The following CUX1 variants were observed in gnomAD, a reference collection of about 807,000 sequenced individuals.
CUX1 encodes cut like homeobox 1.
A neutral mutation model predicts 158.8 loss-of-function variants in CUX1; 31 were observed. That is an observed-to-expected ratio of 0.20 (90% CI 0.15 to 0.26). CUX1 has a LOEUF of 0.26. CUX1 is among the 10% of genes least tolerant of loss of function. The pLI, the probability that CUX1 is intolerant of heterozygous loss-of-function variation, is 1.00. For missense variants in CUX1, 1,589 were observed against 2,014.6 expected (o/e 0.79, Z 4.04); for synonymous variants, 879 against 862.1 (o/e 1.02, Z -0.34).
intron 2 of CUX1, among the ~76,000 whole-genome samples, chr7:101,974,861 A>G (rs1220064475): frequency 6.6e-6 from 1 of 152,110 alleles, no homozygotes; most frequent in Non-Finnish European, 1.5e-5. Flanking sequence ...TTTGGGAAGG[A>G]GGCTGTCATG....
At chr7:102,153,550 T>C (rs1258955519) in intron 8 of CUX1, 1 of 152,180 alleles carries the variant, frequency 6.6e-6, no homozygotes, top group Non-Finnish European at 1.5e-5. Flanking sequence ...GTTTTCCTGG[T>C]TGCCAAGCAG....
intron 2 of CUX1, among the ~76,000 whole-genome samples, chr7:101,947,624 T>A (rs1808557012): frequency 6.6e-6 from 1 of 152,022 alleles, no homozygotes. Flanking sequence ...TCTCTAAAAT[T>A]AAAGAAAAGA....
At chr7:102,198,435 G>T (rs917428679) in intron 15 of CUX1, among the ~76,000 whole-genome samples, 2 of 152,212 alleles carry the variant, frequency 1.3e-5, no homozygotes, top group Non-Finnish European at 2.9e-5. Flanking sequence ...CCAAGAAAAT[G>T]CAGTGTTTTA....
In CUX1 at chr7:101,870,154, T is replaced by G. The variant is rs1447427990; in HGVS notation, c.31-45961T>G. Among the ~76,000 whole-genome samples the G allele has an allele frequency of 2.5e-3, 182 of 71,878 alleles. No homozygotes were observed. In the Middle Eastern group the frequency reaches 0.038, roughly 15 times the overall value. The allele number at this position is 71,878 out of a possible 152,430, so 47.2% of individuals were successfully genotyped here. On this transcript the variant is annotated intron_variant, in intron 1 of 23. Coordinates refer to ENST00000292535, the MANE Select transcript of CUX1 (RefSeq NM_181552.4). ...GCCCTGATGTTTAGTGTTTTTTTTGTTTTTTTTTTTTTTTTTAAAGACAGC... is the reference window on the plus strand; with the variant it reads ...GCCCTGATGTTTAGTGTTTTTTTTGGTTTTTTTTTTTTTTTTAAAGACAGC...
intron 8 of CUX1, among the ~76,000 whole-genome samples, chr7:102,127,832 TTTTGTTTG>T (rs141324142): frequency 7.3e-5 from 11 of 151,154 alleles, no homozygotes; most frequent in Non-Finnish European, 7.4e-5. Context: ...TTTTCGTGTT[TTTTGTTTG>T]TTTGTTTGTT....
chr7:102,201,396 G>T lies in CUX1; in HGVS notation c.2099G>T (p.Gly700Val), dbSNP rs1554519649. 4 of 1,613,926 alleles carry T rather than the reference G, an allele frequency of 2.5e-6. No homozygotes were observed. In the Admixed American group the frequency reaches 6.7e-5, roughly 27 times the overall value. Residue 700 changes from glycine to valine, a missense_variant, in exon 18 of 24, where the codon GGG (glycine) becomes GTG (valine). Physicochemically the swap from Gly to Val is moderately radical, Grantham distance 109 (BLOSUM62 -3). Around this residue, in one of 8 missense-constraint regions of CUX1, gnomAD observed 337 missense variants for 409.3 expected, o/e 0.82. Coordinates refer to ENST00000292535, the MANE Select transcript of CUX1 (RefSeq NM_181552.4). This position sits in a 1 kb window ranked among gnomAD's most constrained non-coding sequence, Gnocchi z 5.0. ...PAQPSSASGSGNSDDAIRSIL... is the reference protein window; with the variant it reads ...PAQPSSASGSVNSDDAIRSIL... Reference sequence around the variant, plus strand: ...CAGCCTTCCTCCGCATCCGGCAGCGGGAACTCTGATGACGCCATCCGCTCC... The same window carrying T: ...CAGCCTTCCTCCGCATCCGGCAGCGTGAACTCTGATGACGCCATCCGCTCC...
At position 102,275,412 on chromosome 7, in the gene CUX1, G is replaced by C. The variant is rs1353779192; in HGVS notation, c.1563+53G>C. The C allele has an allele frequency of 6.4e-6, 9 of 1,415,160 alleles. No homozygotes were observed. In the East Asian group the frequency reaches 2.1e-4, roughly 33 times the overall value. The allele number at this position is 1,415,160 out of a possible 1,614,324, so 87.7% of individuals were successfully genotyped here. Reference sequence around the variant, plus strand: ...CTCCTTGGGCCCAAGGACACAGTTGGGGAACACACAGGCTTTCAGGAGAGA... The same window carrying C: ...CTCCTTGGGCCCAAGGACACAGTTGCGGAACACACAGGCTTTCAGGAGAGA... On this transcript the variant is annotated intron_variant, in intron 17 of 22. Coordinates refer to the CUX1 transcript ENST00000292538.
At chr7:102,273,361 C>T (rs1554546728) in intron 14 of CUX1, 2 of 1,611,222 alleles carry the variant, frequency 1.2e-6, no homozygotes. Context: ...TTCCTTTGGC[C>T]ACAGGACGCT....
At chr7:102,015,714 C>T (rs1818509850) in intron 2 of CUX1, among the ~76,000 whole-genome samples, 1 of 152,172 alleles carries the variant, frequency 6.6e-6, no homozygotes. Context: ...GTTCGTGGCT[C>T]CTTTCACTCA....
At chr7:102,072,414 A>G (rs1354279699) in intron 4 of CUX1, among the ~76,000 whole-genome samples, 1 of 152,252 alleles carries the variant, frequency 6.6e-6, no homozygotes, top group Non-Finnish European at 1.5e-5. Flanking sequence ...GTAACCAATC[A>G]GAGGCTAAAT....
chr7:102,207,436 C>T (rs1344182309), intron 20 of CUX1, among the ~76,000 whole-genome samples: 6 of 151,982 alleles, frequency 3.9e-5, no homozygotes, highest in African/African-American at 1.4e-4. Flanking sequence ...AAAAAGATTT[C>T]TTATTTGCAG....
At chr7:101,890,654 G>A (rs1047129639) in intron 1 of CUX1, among the ~76,000 whole-genome samples, 1 of 152,130 alleles carries the variant, frequency 6.6e-6, no homozygotes, top group East Asian at 1.9e-4. Flanking sequence ...AGAGGTTGGT[G>A]CGAAAATAGC....
At chr7:102,122,043 A>G (rs1380764275) in intron 8 of CUX1, among the ~76,000 whole-genome samples, 4 of 152,192 alleles carry the variant, frequency 2.6e-5, no homozygotes, top group African/African-American at 7.2e-5. Flanking sequence ...GGGGCCAGGT[A>G]GAGCCCGGTT....
intron 22 of CUX1, 54 bp downstream of exon 22, chr7:102,234,294 G>C (rs1417868296): frequency 3.5e-6 from 5 of 1,411,584 alleles, no homozygotes; most frequent in African/African-American, 2.9e-5. Flanking sequence ...TAGACAGGCT[G>C]TTTCTTTCAA....
chr7:102,197,365 T>C, intron 15 of CUX1, 60 bp downstream of exon 15: 1 of 1,511,106 alleles, frequency 6.6e-7, no homozygotes, highest in Non-Finnish European at 9.1e-7. Context: ...TGCACATGTG[T>C]GTGTGCATGC....
chr7:102,224,779 G>A lies in CUX1; in HGVS notation c.3131-2588G>A, dbSNP rs1020627474. ...TGAGTTTCGTGGTGGCTCTGCCTCC[G>A]CCAGCACCCAGAACAAAACAGGGAG... On this transcript the variant is annotated intron_variant, in intron 20 of 23. Transcript: ENST00000292535. Among the ~76,000 whole-genome samples, 5 of 152,298 alleles carry A rather than the reference G, an allele frequency of 3.3e-5. No homozygotes were observed. In the East Asian group the frequency reaches 5.8e-4, roughly 18 times the overall value.
Position 102,257,329 on chromosome 7 carries a change from A to G in CUX1, c.*8287A>G, listed in dbSNP as rs1554542380. The G allele has an allele frequency of 1.0e-6, 1 of 980,876 alleles. No individual in the cohort carries two copies. Among genetic ancestry groups the G allele is most frequent in the Non-Finnish European group, 1.2e-6 (1 of 828,952 alleles). The allele number at this position is 980,876 out of a possible 1,614,324, so 60.8% of individuals were successfully genotyped here. A position where few individuals can be genotyped will look rare whatever the true frequency, so the allele number is the denominator to read the frequency against. Reference sequence around the variant, plus strand: ...GCCTTTTTTTTTTTCATTTTTCTCTAATTAGTCTATGCATTTCTCTCTCTC... The same window carrying G: ...GCCTTTTTTTTTTTCATTTTTCTCTGATTAGTCTATGCATTTCTCTCTCTC... On this transcript the variant is annotated 3_prime_UTR_variant, in exon 24 of 24. Transcript: ENST00000292535.
chr7:102,042,996 C>T (rs1414125928), intron 3 of CUX1, among the ~76,000 whole-genome samples: 1 of 152,130 alleles, frequency 6.6e-6, no homozygotes, highest in Admixed American at 6.6e-5. Flanking sequence ...GGCTGCGTTG[C>T]CCAGGCTGGT....
chr7:101,973,193 C>T (rs1387399063), intron 2 of CUX1, among the ~76,000 whole-genome samples: 3 of 152,124 alleles, frequency 2.0e-5, no homozygotes, highest in Non-Finnish European at 2.9e-5. Flanking sequence ...CTGGCAGAGG[C>T]TGGGCCCCTT....
Sources: gnomAD v4.1 joint callset for allele counts (sites outside exome capture counted in the v4.1 genomes callset) on GRCh38, gnomAD v4.1.1 for gene constraint, gnomAD v4.1.1 regional missense constraint, Gnocchi (gnomAD v3.1) non-coding constraint, MANE v1.5 for transcripts, NCBI Gene and HGNC (gene_info 2026-07-23, HGNC 2026-07-21) for gene names.